Variants in TEAD2 observed in about 807,000 individuals in gnomAD.
TEAD2 encodes transcriptional enhancer factor TEF-4.
Under a neutral mutation model 61.4 loss-of-function variants are expected in TEAD2, and 51 were observed. The observed-to-expected ratio is 0.83, with a 90% CI of 0.66 to 1.05. TEAD2 has a LOEUF of 1.05. TEAD2 is among the 50% of genes least tolerant of loss of function. TEAD2 has a pLI of 0.00. For synonymous variants in TEAD2, 244 were observed against 243.2 expected, an observed-to-expected ratio of 1.00 and a Z score of -0.03; for missense variants, 509 against 600.0, an observed-to-expected ratio of 0.85 and a Z score of 1.58.
At chr19:49,355,271 C>T in intron 6 of TEAD2, 41 bp downstream of exon 6, 2 of 1,613,494 alleles carry the variant, frequency 1.2e-6, no homozygotes, top group Non-Finnish European at 8.5e-7. Context: ...CCCATCCATC[C>T]CCCTTTGCCC....
At chr19:49,356,422 T>G (rs1600769907) in intron 4 of TEAD2, among the ~76,000 whole-genome samples, 3 of 122,160 alleles carry the variant, frequency 2.5e-5, no homozygotes, top group Non-Finnish European at 3.5e-5. Context: ...CGTCCCCAAG[T>G]CCAGAAAAAG....
Position 49,351,358 on chromosome 19 carries a change from G to C in TEAD2, c.547C>G (p.Pro183Ala). 6.2e-7 allele frequency: 1 copy of C among 1,611,070 alleles called. No individual in the cohort carries two copies. The highest frequency in any genetic ancestry group is 8.5e-7 in the Non-Finnish European group (1 of 1,178,954). ...AAGGTGAACGGTGTCTGTGAGAATG[G>C]CTTCACACTGAGGGAAAAAGGAAGC... ...GPPWNVPDVKPFSQTPFTLSL... is the reference protein window; with the variant it reads ...GPPWNVPDVKAFSQTPFTLSL... Residue 183 changes from proline to alanine, a missense_variant, in exon 8 of 13, where the codon CCA (proline) becomes GCA (alanine). Transcript: ENST00000593945.
intron 1 of TEAD2, chr19:49,360,530 G>T (rs1028096569): frequency 1.2e-5 from 2 of 169,540 alleles, no homozygotes; most frequent in Non-Finnish European, 1.3e-5. Context: ...TTACCCTAGA[G>T]TAATGCCGAG....
intron 10 of TEAD2, 107 bp from the exon 11 acceptor site, chr19:49,343,505 C>T (rs2146296644): frequency 1.5e-6 from 2 of 1,310,416 alleles, no homozygotes; most frequent in African/African-American, 1.5e-5. Flanking sequence ...TTTGGGAGGC[C>T]GAGGCGGGCG....
chr19:49,348,980 G>C, intron 8 of TEAD2, 135 bp from the exon 9 acceptor site: 1 of 1,229,916 alleles, frequency 8.1e-7, no homozygotes, highest in Non-Finnish European at 1.1e-6. Flanking sequence ...CTTGCAGTTA[G>C]AAGTGGCCAT....
At chr19:49,346,809 A>G (rs1220758579) in intron 10 of TEAD2, among the ~76,000 whole-genome samples, 1 of 152,192 alleles carries the variant, frequency 6.6e-6, no homozygotes, top group African/African-American at 2.4e-5. Context: ...ACCAGTCTCC[A>G]CAAGTCCACT....
chr19:49,360,189 G>A lies in TEAD2; in HGVS notation c.-6-108C>T, dbSNP rs1380169299. 6.9e-6 allele frequency: 6 copies of A among 864,240 alleles called. No individual in the cohort carries two copies. The Admixed American group carries it at 1.3e-4, about 19-fold the overall frequency. The allele number at this position is 864,240 out of a possible 1,614,324, so 53.5% of individuals were successfully genotyped here. Reference sequence around the variant, plus strand: ...CACTGGGTCTGAGGGAGGAGGGGCTGGGGACCTGGACTCCTGGGTCTGAGG... The same window carrying A: ...CACTGGGTCTGAGGGAGGAGGGGCTAGGGACCTGGACTCCTGGGTCTGAGG... On this transcript the variant is annotated intron_variant, in intron 1 of 12. Coordinates refer to ENST00000593945, the MANE Select transcript of TEAD2 (RefSeq NM_001256660.2).
In TEAD2 at chr19:49,357,694, T is replaced by C. The variant is rs141258642; in HGVS notation, c.298-380A>G. ...TCATATTGAAATGCCATCTCCAGTG[T>C]TGGAGGTGAGGCCTGGTGGGAGGTA... On this transcript the variant is annotated intron_variant, in intron 3 of 12. Transcript: ENST00000593945. 1.9e-3 allele frequency: 560 copies of C among 295,160 alleles called. 3 individuals carry two copies. Among genetic ancestry groups the C allele is most frequent in the African/African-American group, 0.011 (519 of 47,218 alleles). 18.3% of individuals were successfully genotyped at this position (295,160 alleles called of 1,614,324 possible).
Position 49,359,406 on chromosome 19 carries a change from G to A in TEAD2, c.297+29C>T. ...ACCCTAAGAAGACCGGCCCATCCCA[G>A]ACAGAAGCCCACAAGTCCATTCCGA... On this transcript the variant is annotated intron_variant, in intron 3 of 12. Coordinates refer to ENST00000593945, the MANE Select transcript of TEAD2 (RefSeq NM_001256660.2). The surrounding 1 kb of genome is among the most constrained non-coding windows in gnomAD (Gnocchi z 4.1). 6.2e-7 allele frequency: 1 copy of A among 1,612,726 alleles called. No homozygotes were observed. The highest frequency in any genetic ancestry group is 1.1e-5 in the South Asian group (1 of 90,994).
intron 12 of TEAD2, among the ~76,000 whole-genome samples, chr19:49,342,013 G>A (rs1971305885): frequency 6.6e-6 from 1 of 152,106 alleles, no homozygotes; most frequent in African/African-American, 2.4e-5. Context: ...CCAACATGGT[G>A]AAACCCCATC....
intron 7 of TEAD2, among the ~76,000 whole-genome samples, chr19:49,353,594 A>C (rs1030520483): frequency 7.2e-5 from 11 of 152,100 alleles, no homozygotes; most frequent in Non-Finnish European, 1.5e-4. Flanking sequence ...TAACAGCTCC[A>C]TGAAAGCGGA....
chr19:49,361,952 A>G (rs1279869286), intron 1 of TEAD2: 2 of 152,540 alleles, frequency 1.3e-5, no homozygotes, highest in African/African-American at 4.8e-5. Flanking sequence ...CTAAACCTCC[A>G]AAGAGGCAAG....
At chr19:49,347,989 A>C (rs993079976) in intron 9 of TEAD2, among the ~76,000 whole-genome samples, 1 of 152,348 alleles carries the variant, frequency 6.6e-6, no homozygotes, top group Admixed American at 6.5e-5. Context: ...AGTTCTGGCC[A>C]ATGGGATGTG....
chr19:49,355,703 C>T (rs1972345769), intron 5 of TEAD2, among the ~76,000 whole-genome samples: 1 of 152,048 alleles, frequency 6.6e-6, no homozygotes, highest in Non-Finnish European at 1.5e-5. Flanking sequence ...GGTGCACACG[C>T]ATAATCCCAG....
At chr19:49,349,987 AT>A (rs1216786952) in intron 8 of TEAD2, among the ~76,000 whole-genome samples, 1 of 152,222 alleles carries the variant, frequency 6.6e-6, no homozygotes, top group Non-Finnish European at 1.5e-5. Flanking sequence ...CATAACATGA[AT>A]GCTTTTACTA....
chr19:49,355,372 G>A lies in TEAD2; in HGVS notation c.420C>T (p.Ser140=), dbSNP rs753458923. The A allele has an allele frequency of 1.2e-6, 2 of 1,614,204 alleles. No homozygotes were observed. Among genetic ancestry groups the A allele is most frequent in the Non-Finnish European group, 8.5e-7 (1 of 1,180,044 alleles). ...DKAFQTMATM[S]SAQLISAPSL... ...AAGGCGCGGAGATGAGCTGGGCAGA[G>A]GACATGGTTGCCATTGTCTGGAAAG... Residue 140 remains serine (S), a synonymous_variant, in exon 6 of 13, where the codon TCC becomes TCT. Coordinates refer to ENST00000593945, the MANE Select transcript of TEAD2 (RefSeq NM_001256660.2).
At chr19:49,355,228 ATGGT>A (rs769041916) in intron 6 of TEAD2, 22 bp from the exon 7 acceptor site, 1 of 1,613,718 alleles carries the variant, frequency 6.2e-7, no homozygotes, top group South Asian at 1.1e-5. Flanking sequence ...ACAAAGAAAA[ATGGT>A]TGGTCAGTCC....
At chr19:49,344,043 C>T (rs1012025911) in intron 10 of TEAD2, among the ~76,000 whole-genome samples, 1 of 152,044 alleles carries the variant, frequency 6.6e-6, no homozygotes, top group Non-Finnish European at 1.5e-5. Context: ...AACAGGGTTT[C>T]ACCATGTTGC....
At position 49,347,215 on chromosome 19, in the gene TEAD2, T is replaced by C; in HGVS notation, c.896A>G (p.His299Arg). 1 of 1,612,556 alleles carries C rather than the reference T, an allele frequency of 6.2e-7. No individual in the cohort carries two copies. The highest frequency in any genetic ancestry group is 8.5e-7 in the Non-Finnish European group (1 of 1,179,406). The change falls in exon 10 of 13, where the codon CAT (histidine) becomes CGT (arginine). Residue 299 changes from histidine (H) to arginine (R), a missense_variant. His to Arg is a conservative substitution (Grantham distance 29, BLOSUM62 0). Transcript: ENST00000593945. ...CCAGAACTTGACCAGGAAGAAGGCA[T>C]GGGGGGGGCCACGATCATATAGCTC... ...LRELYDRGPP[H>R]AFFLVKFWAD...
Sources: gnomAD v4.1 joint callset for allele counts (sites outside exome capture counted in the v4.1 genomes callset) on GRCh38, gnomAD v4.1.1 for gene constraint, Gnocchi (gnomAD v3.1) non-coding constraint, MANE v1.5 for transcripts, NCBI Gene and HGNC (gene_info 2026-07-23, HGNC 2026-07-21) for gene names.